Variants in TRIP4 observed in about 807,000 individuals in gnomAD.
TRIP4 encodes the protein thyroid hormone receptor interactor 4, also known as activating signal cointegrator 1.
A neutral mutation model predicts 81.8 loss-of-function variants in TRIP4; 54 were observed. The observed-to-expected ratio is 0.66, with a 90% CI of 0.53 to 0.83. The LOEUF is 0.83. Among genes scored for constraint, TRIP4 ranks in the 40% least tolerant of loss-of-function variants. The pLI, the probability that TRIP4 is intolerant of heterozygous loss-of-function variation, is 0.00. For missense variants in TRIP4, 662 were observed against 683.6 expected (o/e 0.97, Z 0.35); for synonymous variants, 270 against 242.8 (o/e 1.11, Z -1.04).
At chr15:64,393,782 A>G (rs866395975) in intron 1 of TRIP4, 164 bp from the exon 2 acceptor site, 7 of 526,968 alleles carry the variant, frequency 1.3e-5, no homozygotes, top group African/African-American at 5.9e-5. Flanking sequence ...CATTCATACC[A>G]GTTAGGATCG....
In TRIP4 at chr15:64,406,374, C is replaced by T. The variant is rs1429706168; in HGVS notation, c.742C>T (p.Leu248Phe). 6.2e-7 allele frequency: 1 copy of T among 1,614,174 alleles called. No homozygotes were observed. Among genetic ancestry groups the T allele is most frequent in the Non-Finnish European group, 8.5e-7 (1 of 1,180,024 alleles). ...GKVDISTKDL[L>F]PHQELRIKSG... Reference sequence around the variant, plus strand: ...GGTGGACATCTCTACCAAGGACCTTCTTCCTCATCAAGAATTGCGAATTAA... The same window carrying T: ...GGTGGACATCTCTACCAAGGACCTTTTTCCTCATCAAGAATTGCGAATTAA... Residue 248 changes from leucine to phenylalanine, a missense_variant, in exon 6 of 13, where the codon CTT becomes TTT. Leu to Phe is a conservative substitution (Grantham distance 22). Transcript: ENST00000261884.
chr15:64,438,310 G>T (rs1427314676), intron 11 of TRIP4, among the ~76,000 whole-genome samples: 2 of 152,188 alleles, frequency 1.3e-5, no homozygotes, highest in Non-Finnish European at 2.9e-5. Flanking sequence ...ACCTTACCAT[G>T]TACTGTCATT....
At chr15:64,434,802 G>A (rs968741333) in intron 11 of TRIP4, among the ~76,000 whole-genome samples, 5 of 152,106 alleles carry the variant, frequency 3.3e-5, no homozygotes, top group Admixed American at 3.3e-4. Flanking sequence ...TAGAGAAAGT[G>A]GTCTATTTGA....
At chr15:64,437,102 T>C (rs774275086) in intron 11 of TRIP4, among the ~76,000 whole-genome samples, 3 of 151,708 alleles carry the variant, frequency 2.0e-5, no homozygotes, top group Non-Finnish European at 2.9e-5. Context: ...TGACAATAAA[T>C]AGAGAGGGAG....
chr15:64,414,097 A>G lies in TRIP4; in HGVS notation c.1056A>G (p.Thr352=), dbSNP rs1439471496. 1 of 1,614,120 alleles carries G rather than the reference A, an allele frequency of 6.2e-7. No homozygotes were observed. Among genetic ancestry groups the G allele is most frequent in the Non-Finnish European group, 8.5e-7 (1 of 1,179,990 alleles). ...LAEYHSRLDE[T]IQAIANGTLN... ...TTTATTATCACAGACTAGATGAGAC[A>G]ATACAGGCCATTGCCAATGGAACCT... Residue 352 remains threonine, a synonymous_variant, in exon 8 of 13, where the codon ACA becomes ACG. Coordinates refer to ENST00000261884, the MANE Select transcript of TRIP4 (RefSeq NM_016213.5).
chr15:64,387,914 C>A lies in TRIP4; in HGVS notation c.51C>A (p.Thr17=). ...GGGAGCCGCTGGTGCACTGGTGCAC[C>A]CAGCAGTTGCGGAAGACTTTCGGCC... ...VSGEPLVHWC[T]QQLRKTFGLD... Residue 17 remains threonine, a synonymous_variant, in exon 1 of 13, where the codon ACC becomes ACA. Transcript: ENST00000261884. 1 of 1,550,634 alleles carries A rather than the reference C, an allele frequency of 6.4e-7. No individual in the cohort carries two copies. The highest frequency in any genetic ancestry group is 8.7e-7 in the Non-Finnish European group (1 of 1,147,038).
intron 11 of TRIP4, among the ~76,000 whole-genome samples, chr15:64,431,418 G>A (rs958521221): frequency 2.0e-5 from 3 of 152,058 alleles, no homozygotes; most frequent in Non-Finnish European, 4.4e-5. Flanking sequence ...CTGGAACATT[G>A]ACAGGCTGGG....
chr15:64,389,578 A>G (rs186863739), intron 1 of TRIP4, among the ~76,000 whole-genome samples: 163 of 152,326 alleles, frequency 1.1e-3, no homozygotes, highest in Admixed American at 1.9e-3. Flanking sequence ...GCTTGAACGC[A>G]GTCAGATTAA....
At chr15:64,397,946 G>T in intron 4 of TRIP4, 128 bp downstream of exon 4, 1 of 1,046,064 alleles carries the variant, frequency 9.6e-7, no homozygotes, top group Admixed American at 2.7e-5. Context: ...TGTCGCCCAG[G>T]CTGGAGTGCA....
At chr15:64,409,474 C>T in intron 6 of TRIP4, 139 bp from the exon 7 acceptor site, 1 of 708,760 alleles carries the variant, frequency 1.4e-6, no homozygotes, top group Non-Finnish European at 2.4e-6. Context: ...TGAGCCTACA[C>T]TGGAGATAAA....
intron 7 of TRIP4, 30 bp downstream of exon 7, chr15:64,409,858 A>C: frequency 6.3e-7 from 1 of 1,591,582 alleles, no homozygotes; most frequent in Non-Finnish European, 8.6e-7. Context: ...AAGGGTCTCA[A>C]AGAAGGAACA....
intron 11 of TRIP4, among the ~76,000 whole-genome samples, chr15:64,431,847 A>ATATATTTTTTTTTTTTTTTTT: frequency 1.7e-5 from 2 of 119,558 alleles, no homozygotes; most frequent in African/African-American, 6.5e-5. Context: ...ATATATATAT[A>ATATATTTTTTTTTTTTTTTTT]TTTTTTTTAT....
chr15:64,416,605 A>C (rs937350611), intron 8 of TRIP4, among the ~76,000 whole-genome samples: 38 of 152,218 alleles, frequency 2.5e-4, no homozygotes, highest in African/African-American at 8.7e-4. Context: ...ATAATGGATC[A>C]ATTCTTTTTC....
chr15:64,426,380 A>C (rs1417963594), intron 11 of TRIP4, among the ~76,000 whole-genome samples: 2 of 152,092 alleles, frequency 1.3e-5, no homozygotes, highest in Non-Finnish European at 2.9e-5. Flanking sequence ...GTATGCATTT[A>C]TATATTTTAA....
intron 11 of TRIP4, among the ~76,000 whole-genome samples, chr15:64,436,714 T>A (rs1466922695): frequency 6.6e-6 from 1 of 150,714 alleles, no homozygotes; most frequent in East Asian, 1.9e-4. Flanking sequence ...ACTGCTTTTT[T>A]TTTTTTTTTT....
intron 11 of TRIP4, among the ~76,000 whole-genome samples, chr15:64,434,402 G>GAAAAAAAA: frequency 7.2e-6 from 1 of 138,056 alleles, no homozygotes; most frequent in Non-Finnish European, 1.5e-5. Context: ...TCCGTCTCAA[G>GAAAAAAAA]AAAAAAAAAA....
At chr15:64,426,287 ACT>A in intron 11 of TRIP4, among the ~76,000 whole-genome samples, 1 of 151,840 alleles carries the variant, frequency 6.6e-6, no homozygotes, top group Non-Finnish European at 1.5e-5. Flanking sequence ...AATGTATTTG[ACT>A]CTGATTGCCA....
At chr15:64,449,883 T>C (rs1892715069) in intron 12 of TRIP4, among the ~76,000 whole-genome samples, 1 of 152,246 alleles carries the variant, frequency 6.6e-6, no homozygotes, top group Non-Finnish European at 1.5e-5. Context: ...TATCAATTAA[T>C]GACAAATATT....
chr15:64,444,412 AAGG>A (rs1220869773), intron 11 of TRIP4, among the ~76,000 whole-genome samples: 1 of 152,222 alleles, frequency 6.6e-6, no homozygotes, highest in Non-Finnish European at 1.5e-5. Context: ...AAGAGATCCA[AAGG>A]AGGTTTCTAA....
Sources: allele counts gnomAD v4.1 joint callset (sites outside exome capture counted in the v4.1 genomes callset), GRCh38; gene constraint gnomAD v4.1.1; transcripts MANE v1.5; gene names NCBI Gene and HGNC (gene_info 2026-07-23, HGNC 2026-07-21).